Variants in MCM5 observed in about 807,000 individuals in gnomAD.
The protein encoded by MCM5 is minichromosome maintenance complex component 5.
Under a neutral mutation model 79.9 loss-of-function variants are expected in MCM5, and 46 were observed. The ratio of observed to expected loss-of-function variants is 0.58; its 90% CI spans 0.45 to 0.74. The LOEUF (loss-of-function observed/expected upper bound fraction) is 0.74, where lower values mean the gene tolerates loss of function less well. Ranked by LOEUF, MCM5 falls within the 30% of genes least tolerant of loss-of-function variation. The pLI is 0.00. For synonymous variants in MCM5, 404 were observed against 390.5 expected, an observed-to-expected ratio of 1.03 and a Z score of -0.41; for missense variants, 883 against 1,017.0, an observed-to-expected ratio of 0.87 and a Z score of 1.79.
chr22:35,452,579 C>T, the MCM5 span, among the ~76,000 whole-genome samples: 6 of 152,258 alleles, frequency 3.9e-5, no homozygotes, highest in South Asian at 2.1e-4. Flanking sequence ...CGTCTGGCAG[C>T]GGGCAGGGCA....
At position 35,424,502 on chromosome 22, in the gene MCM5, A is replaced by G. The variant is rs183815169; in HGVS notation, c.*247A>G. ...TAATAAAGCCACGGTGTGTTCAGGT[A>G]TCTGTGGGTTTGTGCACTCGGTGAC... On this transcript the variant is annotated 3_prime_UTR_variant, in exon 17 of 17. Transcript: ENST00000216122. 4 of 411,098 alleles carry G rather than the reference A, an allele frequency of 9.7e-6. No homozygotes were observed. The East Asian group carries it at 1.2e-4, about 13-fold the overall frequency. The allele number at this position is 411,098 out of a possible 1,614,324, so 25.5% of individuals were successfully genotyped here. A position where few individuals can be genotyped will look rare whatever the true frequency, so the allele number is the denominator to read the frequency against.
the MCM5 span, among the ~76,000 whole-genome samples, chr22:35,451,685 C>T: frequency 1.3e-5 from 2 of 152,342 alleles, no homozygotes; most frequent in East Asian, 1.9e-4. Context: ...TGTCCTTTGT[C>T]CCCCTGCAGA....
Position 35,424,351 on chromosome 22 carries a change from A to G in MCM5, c.*96A>G, listed in dbSNP as rs1277554994. 4 of 884,766 alleles carry G rather than the reference A, an allele frequency of 4.5e-6. No homozygotes were observed. Among genetic ancestry groups the G allele is most frequent in the Non-Finnish European group, 6.9e-6 (4 of 580,226 alleles). 54.8% of individuals were successfully genotyped at this position (884,766 alleles called of 1,614,324 possible). On this transcript the variant is annotated 3_prime_UTR_variant, in exon 17 of 17. Coordinates refer to ENST00000216122, the MANE Select transcript of MCM5 (RefSeq NM_006739.4). ...ATGTTGCTGGGACCTCTGCCTCCCC[A>G]CTGCAGCCCTCGAACTTCCCAGGCA... is the stretch of plus-strand genomic sequence containing the variant.
Position 35,410,911 on chromosome 22 carries a change from G to A in MCM5, c.919+1G>A, listed in dbSNP as rs771585691. 1 of 1,591,918 alleles carries A rather than the reference G, an allele frequency of 6.3e-7. No homozygotes were observed. The highest frequency in any genetic ancestry group is 8.6e-7 in the Non-Finnish European group (1 of 1,165,938). On this transcript the variant is annotated splice_donor_variant, in intron 7 of 16. Coordinates refer to ENST00000216122, the MANE Select transcript of MCM5 (RefSeq NM_006739.4). LOFTEE classifies it high-confidence loss of function. ...ATCCAGGTGGACACAGATGGCTCTG[G>A]TGAGTTGGCTTTGGGGTCCTGGCTT...
chr22:35,448,808 G>T, the MCM5 span, among the ~76,000 whole-genome samples: 164 of 152,350 alleles, frequency 1.1e-3, no homozygotes, highest in Admixed American at 2.2e-3. Context: ...CAGATGGAGT[G>T]ACTAGACCGG....
the MCM5 span, among the ~76,000 whole-genome samples, chr22:35,446,865 C>A: frequency 6.6e-6 from 1 of 152,200 alleles, no homozygotes; most frequent in Admixed American, 6.5e-5. Flanking sequence ...GATTCTAGTT[C>A]CCTCCGCAGA....
chr22:35,419,969 G>T lies in MCM5; in HGVS notation c.1789G>T (p.Glu597Ter), dbSNP rs1028271579. The change falls in exon 14 of 17, where the codon GAG becomes TAG. Residue 597 changes from glutamate to a stop codon, truncating the protein, a stop_gained. Transcript: ENST00000216122. LOFTEE classifies it high-confidence loss of function. Reference sequence around the variant, plus strand: ...CATGCGGAGCGGGGCCCGTCAGCACGAGAGGGACAGTGACCGCCGCTCCAG... The same window carrying T: ...CATGCGGAGCGGGGCCCGTCAGCACTAGAGGGACAGTGACCGCCGCTCCAG... Reference protein sequence around the residue: ...IIMRSGARQHERDSDRRSSIP... With the variant: ...IIMRSGARQH The T allele has an allele frequency of 2.5e-6, 4 of 1,612,692 alleles. No individual in the cohort carries two copies. The highest frequency in any genetic ancestry group is 1.1e-5 in the South Asian group (1 of 90,846).
Position 35,400,192 on chromosome 22 carries a change from A to C in MCM5, c.-25A>C. The C allele has an allele frequency of 1.9e-6, 1 of 523,440 alleles. No individual in the cohort carries two copies. The highest frequency in any genetic ancestry group is 3.5e-6 in the Non-Finnish European group (1 of 288,946). The allele number at this position is 523,440 out of a possible 1,614,324, so 32.4% of individuals were successfully genotyped here. ...GGTTCTTGTCTCCCCTGGTTTGTGA[A>C]GTGCGGAAAACCAGAGGTGAGGCTA... On this transcript the variant is annotated 5_prime_UTR_variant, in exon 1 of 17. Coordinates refer to ENST00000216122, the MANE Select transcript of MCM5 (RefSeq NM_006739.4).
chr22:35,424,034 G>A (rs1932753677), intron 16 of MCM5, 120 bp from the exon 17 acceptor site: 1 of 635,406 alleles, frequency 1.6e-6, no homozygotes, highest in Non-Finnish European at 2.8e-6. Flanking sequence ...CTCAGGAAGT[G>A]TGGGCCCTTT....
downstream of MCM5, among the ~76,000 whole-genome samples, chr22:35,428,241 C>T (rs898521536): frequency 1.3e-5 from 2 of 151,874 alleles, no homozygotes; most frequent in Non-Finnish European, 2.9e-5. Flanking sequence ...AGGCTGGTTT[C>T]AAACTCCTGA....
the MCM5 span, among the ~76,000 whole-genome samples, chr22:35,437,087 C>A: frequency 6.6e-6 from 1 of 152,214 alleles, no homozygotes; most frequent in East Asian, 1.9e-4. Flanking sequence ...TCAGTTGACA[C>A]CTGCATGCAG....
intron 9 of MCM5, 41 bp from the exon 10 acceptor site, chr22:35,415,788 T>C: frequency 6.3e-7 from 1 of 1,599,308 alleles, no homozygotes; most frequent in Non-Finnish European, 8.5e-7. Context: ...GGTCAAAGCA[T>C]GGAGTTGTTA....
the MCM5 span, among the ~76,000 whole-genome samples, chr22:35,452,664 G>A: frequency 6.6e-6 from 1 of 152,180 alleles, no homozygotes; most frequent in Non-Finnish European, 1.5e-5. Flanking sequence ...CTGGCTTTTC[G>A]TTGACTCTGC....
chr22:35,416,663 C>T lies in MCM5; in HGVS notation c.1439C>T (p.Ser480Phe). ...GCTGGGATCACCACCACCCTGAACT[C>T]CCGCTGCTCCGTCCTGGCTGCTGCC... The part of the protein sequence containing the change: ...AKAGITTTLN[S>F]RCSVLAAANS... The change falls in exon 12 of 17, where the codon TCC becomes TTC. Residue 480 changes from serine (S) to phenylalanine (F), a missense_variant. By Grantham distance (155) the Ser-to-Phe change is radical. Around this residue, in one of 3 missense-constraint regions of MCM5, gnomAD observed 426 missense variants for 482.3 expected, o/e 0.88. Coordinates refer to ENST00000216122, the MANE Select transcript of MCM5 (RefSeq NM_006739.4). 1 of 1,614,104 alleles carries T rather than the reference C, an allele frequency of 6.2e-7. No homozygotes were observed. Among genetic ancestry groups the T allele is most frequent in the Non-Finnish European group, 8.5e-7 (1 of 1,180,022 alleles).
At chr22:35,400,345 G>A (rs1336963244) in intron 1 of MCM5, 86 bp from the exon 2 acceptor site, 1 of 1,503,896 alleles carries the variant, frequency 6.6e-7, no homozygotes, top group Non-Finnish European at 9.2e-7. Context: ...CCCTGCTCCG[G>A]ACTCAGGGCA....
chr22:35,420,225 C>T (rs952337669), intron 14 of MCM5, among the ~76,000 whole-genome samples: 1 of 152,218 alleles, frequency 6.6e-6, no homozygotes, highest in Non-Finnish European at 1.5e-5. Flanking sequence ...CAAACCTAGA[C>T]CCCTCTTGTC....
chr22:35,416,799 TGAG>T lies in MCM5; in HGVS notation c.1579_1581del (p.Glu527del). The stretch of plus-strand genomic sequence containing the variant: ...TCTTCATCGTCAAGGATGAGCACAA[TGAG>T]GAGAGGGATGTGGTACGTCCAGGGG... On this transcript the variant is annotated inframe_deletion, in exon 12 of 17. Transcript: ENST00000216122. The T allele has an allele frequency of 6.2e-7, 1 of 1,613,704 alleles. No individual in the cohort carries two copies. Among genetic ancestry groups the T allele is most frequent in the Non-Finnish European group, 8.5e-7 (1 of 1,179,948 alleles).
chr22:35,423,340 A>G lies in MCM5; in HGVS notation c.2102A>G (p.Gln701Arg). Residue 701 changes from glutamine to arginine, a missense_variant and splice_region_variant, in exon 16 of 17, where the codon CAG becomes CGG. Gln to Arg is a conservative substitution (Grantham distance 43). Around this residue, in one of 3 missense-constraint regions of MCM5, gnomAD observed 426 missense variants for 482.3 expected, o/e 0.88. Transcript: ENST00000216122. The part of the protein sequence containing the change: ...EHSIIKDFTK[Q>R]KYPEHAIHKV... The stretch of plus-strand genomic sequence containing the variant: ...AGCATCATCAAGGACTTCACCAAGC[A>G]GGTGAGCCTGCCTTGGAGTGGGGGT... 1 of 1,597,172 alleles carries G rather than the reference A, an allele frequency of 6.3e-7. No individual in the cohort carries two copies. The highest frequency in any genetic ancestry group is 8.6e-7 in the Non-Finnish European group (1 of 1,168,618).
the MCM5 span, among the ~76,000 whole-genome samples, chr22:35,452,698 G>T: frequency 6.6e-6 from 1 of 152,222 alleles, no homozygotes; most frequent in Non-Finnish European, 1.5e-5. Flanking sequence ...CCCTGTGTGT[G>T]AGTTTGTGTT....
Sources: allele counts gnomAD v4.1 joint callset (sites outside exome capture counted in the v4.1 genomes callset), GRCh38; gene constraint gnomAD v4.1.1; regional missense constraint gnomAD v4.1.1; transcripts MANE v1.5; gene names NCBI Gene and HGNC (gene_info 2026-07-23, HGNC 2026-07-21).